Variants in NFKB1 observed in about 807,000 individuals in gnomAD.
NFKB1 encodes the protein nuclear factor NF-kappa-B p105 subunit.
NFKB1 carries 9 observed loss-of-function variants against 105.1 expected under a neutral mutation model. The observed-to-expected ratio is 0.09, with a 90% CI of 0.05 to 0.15. The LOEUF (loss-of-function observed/expected upper bound fraction) is 0.15. Among genes scored for constraint, NFKB1 ranks in the 10% least tolerant of loss-of-function variants. The pLI, the probability that NFKB1 is intolerant of heterozygous loss-of-function variation, is 1.00. For synonymous variants in NFKB1, 440 were observed against 442.2 expected, an observed-to-expected ratio of 1.00 and a Z score of 0.06; for missense variants, 830 against 1,203.7, an observed-to-expected ratio of 0.69 and a Z score of 4.59.
chr4:102,592,351 T>C (rs1163182493), intron 11 of NFKB1, among the ~76,000 whole-genome samples: 1 of 152,192 alleles, frequency 6.6e-6, no homozygotes, highest in Non-Finnish European at 1.5e-5. Flanking sequence ...TAGAGAAATC[T>C]TTTGTGAAAG....
chr4:102,518,184 TC>T (rs1392718596), intron 1 of NFKB1, among the ~76,000 whole-genome samples: 1 of 152,206 alleles, frequency 6.6e-6, no homozygotes, highest in African/African-American at 2.4e-5. Flanking sequence ...AAAATGGGGC[TC>T]ATTGCAGCAG....
intron 6 of NFKB1, 47 bp downstream of exon 6, chr4:102,567,182 A>G (rs1723949674): frequency 4.4e-6 from 7 of 1,589,228 alleles, no homozygotes; most frequent in Non-Finnish European, 6.0e-6. Flanking sequence ...CAGATAGAAT[A>G]TGGGATGCAG....
At chr4:102,554,601 A>G (rs1722845532) in intron 5 of NFKB1, among the ~76,000 whole-genome samples, 1 of 152,174 alleles carries the variant, frequency 6.6e-6, no homozygotes. Flanking sequence ...GATATTTTTC[A>G]GTGACTCAGA....
At position 102,594,920 on chromosome 4, in the gene NFKB1, T is replaced by A. The variant is rs1726480184; in HGVS notation, c.1239T>A (p.Pro413=). 6.2e-7 allele frequency: 1 copy of A among 1,611,824 alleles called. No homozygotes were observed. Among genetic ancestry groups the A allele is most frequent in the South Asian group, 1.1e-5 (1 of 90,782 alleles). The part of the protein sequence containing the change: ...PGYSFPHYGF[P]TYGGITFHPG... ...ATAGCTTCCCACACTATGGATTTCCTACTTATGGTGGGATTACTTTCCATC... is the reference window on the plus strand; with the variant it reads ...ATAGCTTCCCACACTATGGATTTCCAACTTATGGTGGGATTACTTTCCATC... The change falls in exon 13 of 24, where the codon CCT becomes CCA. Residue 413 remains proline (P), a synonymous_variant. Coordinates refer to ENST00000226574, the MANE Select transcript of NFKB1 (RefSeq NM_003998.4).
rs184935116 is a variant in NFKB1 at position 102,616,702 on chromosome 4, G to T, written c.*108G>T. On this transcript the variant is annotated 3_prime_UTR_variant, in exon 24 of 24. Transcript: ENST00000226574. ...CCAAAGGTGCTCAGAGAGCCGGCCC[G>T]CCTGAATCATTCTCGATTTAACTCG... 1 of 1,121,152 alleles carries T rather than the reference G, an allele frequency of 8.9e-7. No homozygotes were observed. The highest frequency in any genetic ancestry group is 1.3e-6 in the Non-Finnish European group (1 of 798,718). 69.5% of individuals were successfully genotyped at this position (1,121,152 alleles called of 1,614,324 possible).
At position 102,593,477 on chromosome 4, in the gene NFKB1, T is replaced by C. The variant is rs1726336316; in HGVS notation, c.1119T>C (p.Asp373=). Residue 373 remains aspartate, a synonymous_variant, in exon 12 of 24, where the codon GAT becomes GAC. Coordinates refer to ENST00000226574, the MANE Select transcript of NFKB1 (RefSeq NM_003998.4). ...AGAAGCTCATGCCCAATTTTTCGGA[T>C]AGTTTCGGCGGTGGTAGTGGTGCTG... is the stretch of plus-strand genomic sequence containing the variant. ...KRQKLMPNFS[D]SFGGGSGAGA... is the part of the protein sequence containing the mutation. 1.2e-6 allele frequency: 2 copies of C among 1,613,780 alleles called. No homozygotes were observed. Among genetic ancestry groups the C allele is most frequent in the Non-Finnish European group, 1.7e-6 (2 of 1,179,784 alleles).
intron 1 of NFKB1, among the ~76,000 whole-genome samples, chr4:102,522,247 T>C (rs899440623): frequency 2.0e-5 from 3 of 152,242 alleles, no homozygotes; most frequent in African/African-American, 7.2e-5. Flanking sequence ...TTCCAAATGA[T>C]TCTTGGTTTC....
intron 5 of NFKB1, among the ~76,000 whole-genome samples, chr4:102,546,741 A>C (rs954556982): frequency 6.6e-6 from 1 of 152,166 alleles, no homozygotes; most frequent in Non-Finnish European, 1.5e-5. Context: ...TTGAAACTGC[A>C]ATCACCCACT....
intron 1 of NFKB1, among the ~76,000 whole-genome samples, chr4:102,506,592 A>G (rs1324975815): frequency 6.6e-6 from 1 of 152,184 alleles, no homozygotes; most frequent in Non-Finnish European, 1.5e-5. Flanking sequence ...TTGGCCTTGA[A>G]TTTCTGAATT....
chr4:102,504,707 T>C (rs1739317599), intron 1 of NFKB1, among the ~76,000 whole-genome samples: 1 of 152,196 alleles, frequency 6.6e-6, no homozygotes, highest in Non-Finnish European at 1.5e-5. Flanking sequence ...AACTCACTTG[T>C]AGTGTTCTTA....
At chr4:102,564,256 G>T (rs1215591114) in intron 5 of NFKB1, among the ~76,000 whole-genome samples, 1 of 152,168 alleles carries the variant, frequency 6.6e-6, no homozygotes, top group Non-Finnish European at 1.5e-5. Context: ...TGAATAAAAA[G>T]AACTAAGTTC....
intron 5 of NFKB1, among the ~76,000 whole-genome samples, chr4:102,546,979 T>C (rs1229942173): frequency 6.6e-6 from 1 of 152,160 alleles, no homozygotes; most frequent in Non-Finnish European, 1.5e-5. Context: ...TTGTTCCACA[T>C]TGGGGATACC....
intron 5 of NFKB1, among the ~76,000 whole-genome samples, chr4:102,563,162 T>G (rs1259310744): frequency 1.3e-5 from 2 of 152,220 alleles, no homozygotes; most frequent in Non-Finnish European, 2.9e-5. Context: ...TGGTATGATC[T>G]GAGACCCATG....
chr4:102,615,178 A>G (rs1383576311), intron 23 of NFKB1, among the ~76,000 whole-genome samples: 1 of 152,192 alleles, frequency 6.6e-6, no homozygotes, highest in Non-Finnish European at 1.5e-5. Context: ...TCAGTCATTC[A>G]TTCAGCAAAT....
intron 21 of NFKB1, 139 bp downstream of exon 21, chr4:102,612,249 G>A (rs1728491856): frequency 4.2e-6 from 4 of 962,040 alleles, no homozygotes; most frequent in South Asian, 3.1e-5. Context: ...TAGATAAGGA[G>A]AATATCCAGT....
chr4:102,608,908 T>A (rs1728093272), intron 19 of NFKB1, among the ~76,000 whole-genome samples: 1 of 152,056 alleles, frequency 6.6e-6, no homozygotes, highest in African/African-American at 2.4e-5. Context: ...AACTCAGCAC[T>A]TTGAGAGGCT....
intron 2 of NFKB1, among the ~76,000 whole-genome samples, chr4:102,529,392 G>A (rs1741130511): frequency 6.6e-6 from 1 of 152,132 alleles, no homozygotes. Context: ...AGCTAGATGA[G>A]GGGTATATTT....
chr4:102,592,478 T>G (rs979324488), intron 11 of NFKB1, among the ~76,000 whole-genome samples: 8 of 152,188 alleles, frequency 5.3e-5, no homozygotes, highest in African/African-American at 1.9e-4. Context: ...AGGCAAGACC[T>G]TCCACCAGTA....
rs1380630328 is a variant in NFKB1, at chr4:102,607,224, G to A, written c.2029G>A (p.Asp677Asn). 3 of 1,614,104 alleles carry A rather than the reference G, an allele frequency of 1.9e-6. No individual in the cohort carries two copies. The highest frequency in any genetic ancestry group is 2.7e-5 in the African/African-American group (2 of 74,928). ...GCTGCTGCTGGTGGCCGCTGGGGCTGACGTCAATGCTCAGGAGCAGAAGTC... is the reference window on the plus strand; with the variant it reads ...GCTGCTGCTGGTGGCCGCTGGGGCTAACGTCAATGCTCAGGAGCAGAAGTC... ...CLLLLVAAGADVNAQEQKSGR... is the reference protein window; with the variant it reads ...CLLLLVAAGANVNAQEQKSGR... The change falls in exon 18 of 24, where the codon GAC (aspartate) becomes AAC (asparagine). Residue 677 changes from aspartate (D) to asparagine (N), a missense_variant. This residue lies in a region of NFKB1 where 418 missense variants were observed against 575.3 expected (regional missense o/e 0.73). Transcript: ENST00000226574.
Sources: allele counts gnomAD v4.1 joint callset (sites outside exome capture counted in the v4.1 genomes callset), GRCh38; gene constraint gnomAD v4.1.1; regional missense constraint gnomAD v4.1.1; transcripts MANE v1.5; gene names NCBI Gene and HGNC (gene_info 2026-07-23, HGNC 2026-07-21).